The following RCAN2 variants were observed in gnomAD, a reference collection of about 807,000 sequenced individuals.
The protein encoded by RCAN2 is regulator of calcineurin 2.
RCAN2 carries 9 observed loss-of-function variants against 23.6 expected under a neutral mutation model. The ratio of observed to expected loss-of-function variants is 0.38; its 90% CI spans 0.23 to 0.67. RCAN2 has a LOEUF of 0.67. RCAN2 is among the 30% of genes least tolerant of loss of function. The probability of loss-of-function intolerance (pLI) is 0.51; values close to 1 mark genes in which losing one functional copy is unlikely to be tolerated. For missense variants in RCAN2, 273 were observed against 302.3 expected (o/e 0.90, Z 0.72); for synonymous variants, 109 against 115.7 (o/e 0.94, Z 0.37).
chr6:46,382,065 C>G (rs1436857904), intron 2 of RCAN2, among the ~76,000 whole-genome samples: 1 of 152,106 alleles, frequency 6.6e-6, no homozygotes, highest in South Asian at 2.1e-4. Flanking sequence ...TTCTGATATG[C>G]TAATGTGGAG....
At chr6:46,237,388 G>C (rs909987646) in intron 4 of RCAN2, among the ~76,000 whole-genome samples, 1 of 152,172 alleles carries the variant, frequency 6.6e-6, no homozygotes, top group African/African-American at 2.4e-5. Context: ...TTGGACTCTG[G>C]AAGAAGATCC....
intron 4 of RCAN2, among the ~76,000 whole-genome samples, chr6:46,242,918 A>C (rs1766356647): frequency 6.6e-6 from 1 of 152,226 alleles, no homozygotes. Flanking sequence ...AGCATCCACT[A>C]TGTGCCAGGT....
intron 2 of RCAN2, among the ~76,000 whole-genome samples, chr6:46,305,651 T>G (rs1040332383): frequency 6.6e-6 from 1 of 152,026 alleles, no homozygotes; most frequent in African/African-American, 2.4e-5. Context: ...TTATATGAAT[T>G]AAGTCCAACC....
chr6:46,410,852 C>A (rs1275889085), intron 2 of RCAN2, among the ~76,000 whole-genome samples: 1 of 152,016 alleles, frequency 6.6e-6, no homozygotes, highest in African/African-American at 2.4e-5. Flanking sequence ...ATTTCAAAGC[C>A]CTTTTATATC....
intron 2 of RCAN2, among the ~76,000 whole-genome samples, chr6:46,360,694 G>A (rs185881218): frequency 9.9e-5 from 15 of 152,254 alleles, no homozygotes; most frequent in Admixed American, 3.3e-4. Context: ...AAAACAAGTG[G>A]ATACGTTCTG....
At chr6:46,472,593 T>C (rs756390393) in intron 1 of RCAN2, among the ~76,000 whole-genome samples, 1 of 152,128 alleles carries the variant, frequency 6.6e-6, no homozygotes, top group Non-Finnish European at 1.5e-5. Context: ...TCCATCATAA[T>C]GGAGAAAGAC....
chr6:46,423,581 G>A (rs1158196629), intron 2 of RCAN2, among the ~76,000 whole-genome samples: 2 of 152,144 alleles, frequency 1.3e-5, no homozygotes, highest in African/African-American at 4.8e-5. Flanking sequence ...TTTCACCTTC[G>A]ATAGACATTT....
chr6:46,417,433 T>C (rs1272488901), intron 2 of RCAN2, among the ~76,000 whole-genome samples: 2 of 152,172 alleles, frequency 1.3e-5, no homozygotes, highest in Non-Finnish European at 2.9e-5. Context: ...GAGAAACAAA[T>C]TGATGAAGAA....
chr6:46,254,893 G>C (rs1766853338), intron 2 of RCAN2, among the ~76,000 whole-genome samples: 1 of 152,140 alleles, frequency 6.6e-6, no homozygotes, highest in Non-Finnish European at 1.5e-5. Context: ...CAGTGAAGTG[G>C]CACCTCTGCA....
intron 4 of RCAN2, among the ~76,000 whole-genome samples, chr6:46,235,001 A>G (rs750941057): frequency 1.4e-4 from 21 of 152,226 alleles, no homozygotes; most frequent in Non-Finnish European, 2.5e-4. Flanking sequence ...ACAATTGCAG[A>G]GAAATGTGTT....
At position 46,301,251 on chromosome 6, in the gene RCAN2, C is replaced by T. The variant is rs147137620; in HGVS notation, c.226-52355G>A. Among the ~76,000 whole-genome samples, 29 of 152,130 alleles carry T rather than the reference C, an allele frequency of 1.9e-4. No homozygotes were observed. The East Asian group carries it at 5.4e-3, about 29-fold the overall frequency. ...CAACAGGATTCAATAATTGAGAATG[C>T]CTCTTATTCACTCTGGTCCTTCCCA... On this transcript the variant is annotated intron_variant, in intron 2 of 4. Transcript: ENST00000371374.
intron 2 of RCAN2, among the ~76,000 whole-genome samples, chr6:46,306,567 G>C (rs966752197): frequency 3.3e-5 from 5 of 152,130 alleles, no homozygotes; most frequent in African/African-American, 7.2e-5. Flanking sequence ...GCTCTCTCTA[G>C]GACAGCCTAC....
At chr6:46,355,277 GTC>G (rs899250857) in intron 2 of RCAN2, among the ~76,000 whole-genome samples, 42 of 152,308 alleles carry the variant, frequency 2.8e-4, no homozygotes, top group African/African-American at 9.6e-4. Flanking sequence ...AAACTATGGA[GTC>G]TCTTCCCCCA....
chr6:46,422,342 T>C (rs542338470), intron 2 of RCAN2, among the ~76,000 whole-genome samples: 1 of 152,298 alleles, frequency 6.6e-6, no homozygotes, highest in Admixed American at 6.5e-5. Flanking sequence ...CAGAAGTGGA[T>C]GCTGGCACCA....
chr6:46,455,700 C>T (rs1767999543), intron 2 of RCAN2, among the ~76,000 whole-genome samples: 2 of 151,348 alleles, frequency 1.3e-5, no homozygotes, highest in Admixed American at 1.3e-4. Flanking sequence ...ACTAAAAATA[C>T]AAAAAATTAG....
At chr6:46,449,645 A>T (rs1767817203) in intron 2 of RCAN2, among the ~76,000 whole-genome samples, 1 of 151,902 alleles carries the variant, frequency 6.6e-6, no homozygotes, top group African/African-American at 2.4e-5. Context: ...ATGGAACAGA[A>T]TAGAAAGCCC....
intron 4 of RCAN2, among the ~76,000 whole-genome samples, chr6:46,230,058 G>A (rs1460924092): frequency 1.3e-5 from 2 of 152,226 alleles, no homozygotes; most frequent in Admixed American, 1.3e-4. Context: ...GACCCTGTTT[G>A]CCTGGGTATC....
intron 2 of RCAN2, among the ~76,000 whole-genome samples, chr6:46,361,362 G>A (rs1051723004): frequency 6.6e-6 from 1 of 152,100 alleles, no homozygotes; most frequent in Non-Finnish European, 1.5e-5. Context: ...AGGCCACACT[G>A]GGCTTCCATA....
intron 2 of RCAN2, among the ~76,000 whole-genome samples, chr6:46,334,209 G>A (rs1764071081): frequency 6.6e-6 from 1 of 152,110 alleles, no homozygotes; most frequent in South Asian, 2.1e-4. Context: ...TTTCTTCCAA[G>A]CACTGACCAC....
Sources: allele counts gnomAD v4.1 joint callset (sites outside exome capture counted in the v4.1 genomes callset), GRCh38; gene constraint gnomAD v4.1.1; transcripts MANE v1.5; gene names NCBI Gene and HGNC (gene_info 2026-07-23, HGNC 2026-07-21).